Variants in SORL1 observed in about 807,000 individuals in gnomAD.
SORL1 encodes the protein sortilin-related receptor.
Under a neutral mutation model 273.7 loss-of-function variants are expected in SORL1, and 127 were observed. The ratio of observed to expected loss-of-function variants is 0.46; its 90% CI spans 0.40 to 0.54. SORL1 has a LOEUF of 0.54. Ranked by LOEUF, SORL1 falls within the 20% of genes least tolerant of loss-of-function variation. The pLI is 0.00. For missense variants in SORL1, 2,494 were observed against 2,846.1 expected, an observed-to-expected ratio of 0.88 and a Z score of 2.81; for synonymous variants, 1,031 against 1,067.4, an observed-to-expected ratio of 0.97 and a Z score of 0.66.
intron 2 of SORL1, among the ~76,000 whole-genome samples, chr11:121,476,823 G>A (rs879474571): frequency 7.3e-6 from 1 of 137,198 alleles, no homozygotes; most frequent in Non-Finnish European, 1.5e-5. Context: ...TTCCTTCCTC[G>A]CTCTGTCACC....
rs1056131055 is a variant in SORL1, at chr11:121,550,378, C to T, written c.2181-207C>T. Among the ~76,000 whole-genome samples the T allele has an allele frequency of 1.2e-4, 19 of 152,168 alleles. No homozygotes were observed. Among genetic ancestry groups the T allele is most frequent in the African/African-American group, 4.3e-4 (18 of 41,430 alleles). On this transcript the variant is annotated intron_variant, in intron 15 of 47. Coordinates refer to ENST00000260197, the MANE Select transcript of SORL1 (RefSeq NM_003105.6). The surrounding 1 kb of genome is among the most constrained non-coding windows in gnomAD (Gnocchi z 5.3). ...AAGAGATATATTTAAAAATCTTGGCCAGGACAGTGCCCTAAATTGTCTGGG... is the reference window on the plus strand; with the variant it reads ...AAGAGATATATTTAAAAATCTTGGCTAGGACAGTGCCCTAAATTGTCTGGG...
intron 12 of SORL1, among the ~76,000 whole-genome samples, chr11:121,541,378 A>G (rs997195095): frequency 7.2e-5 from 11 of 151,882 alleles, no homozygotes; most frequent in Non-Finnish European, 1.6e-4. Context: ...TAATTTTTTA[A>G]AAAAATTTTC....
At chr11:121,512,388 A>G (rs1368772555) in intron 6 of SORL1, among the ~76,000 whole-genome samples, 2 of 152,234 alleles carry the variant, frequency 1.3e-5, no homozygotes, top group African/African-American at 4.8e-5. Context: ...TCTAAAATGC[A>G]ATGTGATGTG....
chr11:121,549,034 G>A (rs953889078), intron 14 of SORL1, among the ~76,000 whole-genome samples: 7 of 152,176 alleles, frequency 4.6e-5, no homozygotes, highest in South Asian at 2.1e-4. Context: ...CAGTCACCTC[G>A]TTTTAGAATC....
At chr11:121,548,012 C>T in intron 14 of SORL1, among the ~76,000 whole-genome samples, 1 of 152,174 alleles carries the variant, frequency 6.6e-6, no homozygotes, top group Non-Finnish European at 1.5e-5. Context: ...CTTTTATGTT[C>T]TTATATTTCT....
intron 3 of SORL1, among the ~76,000 whole-genome samples, chr11:121,487,271 G>A (rs374997667): frequency 1.3e-5 from 2 of 152,218 alleles, no homozygotes; most frequent in Admixed American, 1.3e-4. Context: ...GCTCCTGAGC[G>A]TCTGGTCCGT....
intron 3 of SORL1, among the ~76,000 whole-genome samples, chr11:121,479,709 C>T (rs1313255997): frequency 6.6e-6 from 1 of 152,184 alleles, no homozygotes; most frequent in Non-Finnish European, 1.5e-5. Flanking sequence ...TTAAGGGTTT[C>T]AGGGCAGCGG....
intron 21 of SORL1, 34 bp downstream of exon 21, chr11:121,559,691 G>A (rs764164263): frequency 4.5e-5 from 72 of 1,606,836 alleles, no homozygotes; most frequent in Middle Eastern, 1.7e-4. Flanking sequence ...TCTCTGTAGA[G>A]TTGATCTCAA....
chr11:121,492,677 C>T (rs1490916102), intron 5 of SORL1, among the ~76,000 whole-genome samples: 2 of 152,090 alleles, frequency 1.3e-5, no homozygotes, highest in African/African-American at 4.8e-5. Context: ...CAAGTTTGCA[C>T]TCATCTCAAC....
chr11:121,516,156 AAT>A (rs1861947165), intron 8 of SORL1, among the ~76,000 whole-genome samples: 2 of 152,208 alleles, frequency 1.3e-5, no homozygotes, highest in Admixed American at 6.5e-5. Context: ...GCTGTGTGGG[AAT>A]TTGACTACTG....
chr11:121,588,227 G>C (rs1863151237), intron 28 of SORL1, 76 bp downstream of exon 28: 7 of 1,549,288 alleles, frequency 4.5e-6, no homozygotes, highest in Non-Finnish European at 6.2e-6. Context: ...CCCTGGGGTT[G>C]TGTCTCTATT....
At chr11:121,460,185 A>T (rs1860974045) in intron 1 of SORL1, among the ~76,000 whole-genome samples, 1 of 152,138 alleles carries the variant, frequency 6.6e-6, no homozygotes, top group African/African-American at 2.4e-5. Context: ...GAAGAAGGTA[A>T]CTGATGTGAC....
chr11:121,492,318 G>T (rs1052554941), intron 5 of SORL1, among the ~76,000 whole-genome samples: 1 of 152,060 alleles, frequency 6.6e-6, no homozygotes, highest in East Asian at 1.9e-4. Flanking sequence ...CTGAGATTGC[G>T]TCACTGCACT....
intron 45 of SORL1, among the ~76,000 whole-genome samples, chr11:121,623,960 T>C (rs763689401): frequency 6.6e-6 from 1 of 152,188 alleles, no homozygotes; most frequent in Non-Finnish European, 1.5e-5. Flanking sequence ...CTCTCCATCA[T>C]GGTGGAAGGC....
At chr11:121,517,584 T>C (rs1261470079) in intron 8 of SORL1, among the ~76,000 whole-genome samples, 1 of 152,248 alleles carries the variant, frequency 6.6e-6, no homozygotes, top group Non-Finnish European at 1.5e-5. Context: ...TTTCTCGTCT[T>C]CCTCATTTGT....
At chr11:121,525,085 C>G (rs1201631140) in intron 11 of SORL1, among the ~76,000 whole-genome samples, 3 of 152,206 alleles carry the variant, frequency 2.0e-5, no homozygotes, top group African/African-American at 7.2e-5. Flanking sequence ...ATCACCCTCC[C>G]CGAGGTATCT....
At chr11:121,496,131 A>C (rs1201442694) in intron 5 of SORL1, among the ~76,000 whole-genome samples, 1 of 152,224 alleles carries the variant, frequency 6.6e-6, no homozygotes, top group Admixed American at 6.5e-5. Context: ...GCACTGAGGA[A>C]GGCTTCCTGG....
At chr11:121,587,999 C>G (rs1475575493) in intron 27 of SORL1, 21 bp from the exon 28 acceptor site, 1 of 1,611,584 alleles carries the variant, frequency 6.2e-7, no homozygotes, top group Non-Finnish European at 8.5e-7. Context: ...TGGCCTCTTC[C>G]CTTCTCTGGA....
Position 121,532,504 on chromosome 11 carries a change from G to T in SORL1, c.1637G>T (p.Gly546Val), listed in dbSNP as rs1862215969. The T allele has an allele frequency of 6.2e-7, 1 of 1,614,144 alleles. No individual in the cohort carries two copies. The highest frequency in any genetic ancestry group is 8.5e-7 in the Non-Finnish European group (1 of 1,180,006). Residue 546 changes from glycine (G) to valine (V), a missense_variant, in exon 12 of 48, where the codon GGC (glycine) becomes GTC (valine). By Grantham distance (109) the Gly-to-Val change is moderately radical (BLOSUM62 -3). Around this residue, in one of 3 missense-constraint regions of SORL1, gnomAD observed 710 missense variants for 882.5 expected, o/e 0.80. Coordinates refer to ENST00000260197, the MANE Select transcript of SORL1 (RefSeq NM_003105.6). ...GPHYYTWGDHGGIITAIAQGM... is the reference protein window; with the variant it reads ...GPHYYTWGDHVGIITAIAQGM... ...CACTACTACACATGGGGAGACCACG[G>T]CGGAATCATCACGGCCATTGCCCAG...
Sources: gnomAD v4.1 joint callset for allele counts (sites outside exome capture counted in the v4.1 genomes callset) on GRCh38, gnomAD v4.1.1 for gene constraint, gnomAD v4.1.1 regional missense constraint, Gnocchi (gnomAD v3.1) non-coding constraint, MANE v1.5 for transcripts, NCBI Gene and HGNC (gene_info 2026-07-23, HGNC 2026-07-21) for gene names.